The following CADPS variants were observed in gnomAD, a reference collection of about 807,000 sequenced individuals.
The protein encoded by CADPS is calcium-dependent secretion activator 1.
Under a neutral mutation model 167.3 loss-of-function variants are expected in CADPS, and 57 were observed. The observed-to-expected ratio is 0.34, with a 90% CI of 0.28 to 0.42. The LOEUF is 0.42. Ranked by LOEUF, CADPS falls within the 20% of genes least tolerant of loss-of-function variation. CADPS has a pLI of 1.00. For synonymous variants in CADPS, 676 were observed against 635.3 expected, an observed-to-expected ratio of 1.06 and a Z score of -0.96; for missense variants, 1,414 against 1,738.1, an observed-to-expected ratio of 0.81 and a Z score of 3.32.
chr3:62,646,209 T>C (rs2068548308), intron 5 of CADPS, among the ~76,000 whole-genome samples: 1 of 149,494 alleles, frequency 6.7e-6, no homozygotes, highest in East Asian at 2.0e-4. Context: ...TCACCCAGGC[T>C]GGAGTGGTGC....
At chr3:62,722,776 A>G (rs1353025423) in intron 3 of CADPS, among the ~76,000 whole-genome samples, 1 of 152,146 alleles carries the variant, frequency 6.6e-6, no homozygotes, top group Non-Finnish European at 1.5e-5. Context: ...CGACCTCATC[A>G]CTACTGACAT....
At chr3:62,511,116 C>T (rs956524943) in intron 17 of CADPS, among the ~76,000 whole-genome samples, 1 of 152,070 alleles carries the variant, frequency 6.6e-6, no homozygotes, top group Non-Finnish European at 1.5e-5. Flanking sequence ...GCAGTTGAGA[C>T]CTGTGGAATC....
intron 6 of CADPS, among the ~76,000 whole-genome samples, chr3:62,610,865 A>G (rs1488859109): frequency 7.2e-6 from 1 of 138,230 alleles, no homozygotes; most frequent in Non-Finnish European, 1.6e-5. Context: ...GTCTACACCA[A>G]TGGTTCTTAA....
chr3:62,824,476 G>A lies in CADPS; in HGVS notation c.441+50113C>T, dbSNP rs138763225. 8.7e-4 allele frequency among the ~76,000 whole-genome samples: 133 copies of A among 152,254 alleles called. 2 individuals are homozygous for A. The Middle Eastern group carries it at 0.01, about 12-fold the overall frequency. On this transcript the variant is annotated intron_variant, in intron 1 of 29. Transcript: ENST00000383710. ...CAGAGAATGTAAGGAGACTGCAGGG[G>A]AGCGAACTAATAAAAAGAAATCAAG...
chr3:62,681,149 A>C (rs1361117420), intron 3 of CADPS, among the ~76,000 whole-genome samples: 1 of 151,974 alleles, frequency 6.6e-6, no homozygotes, highest in Admixed American at 6.6e-5. Flanking sequence ...CCCACCTCAG[A>C]TGTGCTGTTG....
intron 27 of CADPS, among the ~76,000 whole-genome samples, chr3:62,445,159 C>T (rs180955675): frequency 6.6e-4 from 101 of 152,274 alleles, no homozygotes; most frequent in African/African-American, 2.1e-3. Flanking sequence ...TTTTGGGAAA[C>T]TTCGAGTGCT....
At chr3:62,579,233 C>T (rs1173644677) in intron 8 of CADPS, among the ~76,000 whole-genome samples, 1 of 152,168 alleles carries the variant, frequency 6.6e-6, no homozygotes, top group African/African-American at 2.4e-5. Context: ...TAACTGTGGA[C>T]CGAGCTCTAA....
At chr3:62,440,728 G>A (rs1360453117) in intron 27 of CADPS, 1 of 152,136 alleles carries the variant, frequency 6.6e-6, no homozygotes, top group Non-Finnish European at 1.5e-5. Flanking sequence ...TAGGGAAGAG[G>A]GGGATTGTTT....
chr3:62,739,475 G>C (rs1040783766), intron 3 of CADPS, among the ~76,000 whole-genome samples: 5 of 152,232 alleles, frequency 3.3e-5, no homozygotes, highest in Non-Finnish European at 5.9e-5. Context: ...ACCCATACAG[G>C]TATTCTCACA....
intron 1 of CADPS, among the ~76,000 whole-genome samples, chr3:62,866,188 A>G (rs1272504557): frequency 6.6e-6 from 1 of 151,750 alleles, no homozygotes; most frequent in East Asian, 1.9e-4. Flanking sequence ...TGGTATTAAC[A>G]AACAAAGTCA....
intron 13 of CADPS, among the ~76,000 whole-genome samples, chr3:62,521,370 A>G (rs1264359069): frequency 1.3e-5 from 2 of 152,252 alleles, no homozygotes; most frequent in African/African-American, 4.8e-5. Context: ...AATCCCTTCC[A>G]AAAGTGGCAT....
chr3:62,432,739 C>T (rs1005596320), intron 28 of CADPS, among the ~76,000 whole-genome samples: 3 of 152,156 alleles, frequency 2.0e-5, no homozygotes, highest in Non-Finnish European at 2.9e-5. Flanking sequence ...ATAGATGAAT[C>T]AGCTGAGGCT....
At chr3:62,616,349 A>G (rs1468874242) in intron 6 of CADPS, among the ~76,000 whole-genome samples, 1 of 151,904 alleles carries the variant, frequency 6.6e-6, no homozygotes, top group Non-Finnish European at 1.5e-5. Context: ...GGTTATGTTT[A>G]GTGTGTTGAA....
intron 1 of CADPS, among the ~76,000 whole-genome samples, chr3:62,872,409 A>G (rs921857411): frequency 6.6e-6 from 1 of 152,132 alleles, no homozygotes; most frequent in Non-Finnish European, 1.5e-5. Flanking sequence ...GGAGATATAT[A>G]TATATATTTT....
chr3:62,419,401 G>C (rs1439428374), intron 28 of CADPS, among the ~76,000 whole-genome samples: 1 of 152,054 alleles, frequency 6.6e-6, no homozygotes, highest in Non-Finnish European at 1.5e-5. Context: ...CATGCCTTTA[G>C]CCTCCATCCT....
At chr3:62,664,966 A>G (rs1164856824) in intron 3 of CADPS, among the ~76,000 whole-genome samples, 2 of 152,234 alleles carry the variant, frequency 1.3e-5, no homozygotes, top group Non-Finnish European at 2.9e-5. Context: ...TTTATGGAAT[A>G]TCTTGATATG....
chr3:62,518,579 T>G (rs2069587456), intron 13 of CADPS, among the ~76,000 whole-genome samples: 1 of 152,206 alleles, frequency 6.6e-6, no homozygotes, highest in South Asian at 2.1e-4. Context: ...GCCAACATTT[T>G]TTTAAATTAG....
intron 28 of CADPS, among the ~76,000 whole-genome samples, chr3:62,409,117 C>T (rs1406383188): frequency 6.6e-6 from 1 of 152,174 alleles, no homozygotes; most frequent in African/African-American, 2.4e-5. Context: ...TATTAACAGT[C>T]TTGCTTTGTA....
chr3:62,557,518 T>A lies in CADPS; in HGVS notation c.1645-5A>T. The A allele has an allele frequency of 6.2e-7, 1 of 1,610,180 alleles. No homozygotes were observed. The highest frequency in any genetic ancestry group is 8.5e-7 in the Non-Finnish European group (1 of 1,176,496). ...GGCAAACGTGTACTGACTGACCTGTTAAGGAAAAGCAGATTGTGAGGTTGA... is the reference window on the plus strand; with the variant it reads ...GGCAAACGTGTACTGACTGACCTGTAAAGGAAAAGCAGATTGTGAGGTTGA... On this transcript the variant is annotated splice_region_variant and splice_polypyrimidine_tract_variant and intron_variant, in intron 9 of 29. Transcript: ENST00000383710.
Sources: gnomAD v4.1 joint callset for allele counts (sites outside exome capture counted in the v4.1 genomes callset) on GRCh38, gnomAD v4.1.1 for gene constraint, MANE v1.5 for transcripts, NCBI Gene and HGNC (gene_info 2026-07-23, HGNC 2026-07-21) for gene names.